The following ELAVL2 variants were observed in gnomAD, a reference collection of about 807,000 sequenced individuals.
ELAVL2 encodes the protein ELAV like RNA binding protein 2.
Under a neutral mutation model 34.6 loss-of-function variants are expected in ELAVL2, and 4 were observed. The ratio of observed to expected loss-of-function variants is 0.12; its 90% CI spans 0.06 to 0.26. The LOEUF (loss-of-function observed/expected upper bound fraction) is 0.26, where lower values mean the gene tolerates loss of function less well. ELAVL2 is among the 10% of genes least tolerant of loss of function. The pLI is 1.00. For missense variants in ELAVL2, 432 were observed against 442.8 expected (o/e 0.98, Z 0.22); for synonymous variants, 193 against 154.8 (o/e 1.25, Z -1.83).
chr9:23,701,625 G>T lies in ELAVL2; in HGVS notation c.488-21C>A, dbSNP rs751506084. 7 of 1,609,062 alleles carry T rather than the reference G, an allele frequency of 4.4e-6. No homozygotes were observed. The South Asian group carries it at 5.5e-5, about 13-fold the overall frequency. The stretch of plus-strand genomic sequence containing the variant: ...TATGCCTATGGTAGATTTGAGTAAA[G>T]ATTTGGAAAAGAGGGAACAGAAGGA... On this transcript the variant is annotated intron_variant, in intron 4 of 6. Transcript: ENST00000397312.
At chr9:23,799,586 A>C (rs1440385208) in intron 1 of ELAVL2, among the ~76,000 whole-genome samples, 1 of 152,154 alleles carries the variant, frequency 6.6e-6, no homozygotes, top group Non-Finnish European at 1.5e-5. Context: ...CCAACTTAAT[A>C]AGATTAATTC....
intron 1 of ELAVL2, among the ~76,000 whole-genome samples, chr9:23,792,084 A>T (rs1429792340): frequency 1.3e-5 from 2 of 152,320 alleles, no homozygotes; most frequent in East Asian, 3.9e-4. Flanking sequence ...AAGTAACTAC[A>T]CCATCATTCT....
At chr9:23,724,822 C>A (rs980463325) in intron 3 of ELAVL2, among the ~76,000 whole-genome samples, 1 of 152,020 alleles carries the variant, frequency 6.6e-6, no homozygotes, top group East Asian at 1.9e-4. Flanking sequence ...GGCAGAGGAA[C>A]AATTTACTCA....
At chr9:23,811,909 C>T (rs2063056738) in intron 1 of ELAVL2, among the ~76,000 whole-genome samples, 2 of 151,870 alleles carry the variant, frequency 1.3e-5, no homozygotes, top group African/African-American at 4.8e-5. Flanking sequence ...TCAAAGGTAA[C>T]AAAAACAATA....
chr9:23,721,018 A>C (rs2043562700), intron 3 of ELAVL2, among the ~76,000 whole-genome samples: 2 of 152,166 alleles, frequency 1.3e-5, no homozygotes, highest in African/African-American at 4.8e-5. Flanking sequence ...ATAATCCTCA[A>C]AACTCTGGGC....
intron 2 of ELAVL2, among the ~76,000 whole-genome samples, chr9:23,758,778 T>C (rs760633926): frequency 8.5e-5 from 13 of 152,122 alleles, no homozygotes; most frequent in Non-Finnish European, 1.6e-4. Flanking sequence ...AGGTTTTCTT[T>C]ACTGCTGGAT....
Position 23,693,444 on chromosome 9 carries a change from TTACCTCTTTAC to T in ELAVL2, c.745_752+3del, listed in dbSNP as rs773133788. The T allele has an allele frequency of 6.2e-7, 1 of 1,614,036 alleles. No individual in the cohort carries two copies. Among genetic ancestry groups the T allele is most frequent in the Non-Finnish European group, 8.5e-7 (1 of 1,179,938 alleles). ...TTATGAGTATCATGAACCTCTATCA[TTACCTCTTTAC>T]TCCATAAGCCATATTGAGCAGATTG... On this transcript the variant is annotated splice_donor_variant and splice_donor_region_variant and coding_sequence_variant and intron_variant, in exon 6 of 7. Transcript: ENST00000397312. LOFTEE classifies it high-confidence loss of function.
In ELAVL2 at chr9:23,816,317, T is replaced by TAAAAA. The variant is rs10717104; in HGVS notation, c.-16+9484_-16+9488dup. The stretch of plus-strand genomic sequence containing the variant: ...GAAAGTGTGTACTAAAAGCTTTCAG[T>TAAAAA]AAAAAAAAAAAAAAAAAAAAAAAAA... On this transcript the variant is annotated intron_variant, in intron 1 of 6. Coordinates refer to ENST00000397312, the MANE Select transcript of ELAVL2 (RefSeq NM_004432.5). Among the ~76,000 whole-genome samples, 29 of 44,692 alleles carry TAAAAA rather than the reference T, an allele frequency of 6.5e-4. 1 individual carries two copies. The highest frequency in any genetic ancestry group is 1.8e-3 in the African/African-American group (19 of 10,822). The allele number at this position is 44,692 out of a possible 152,430, so 29.3% of individuals were successfully genotyped here.
At chr9:23,848,279 G>C in the ELAVL2 span, among the ~76,000 whole-genome samples, 1 of 152,068 alleles carries the variant, frequency 6.6e-6, no homozygotes, top group Non-Finnish European at 1.5e-5. Flanking sequence ...GGATATTAGT[G>C]GGTAGAAGAA....
rs574972907 is a variant in ELAVL2 at position 23,797,981 on chromosome 9, T to A, written c.-16+27825A>T. Among the ~76,000 whole-genome samples the A allele has an allele frequency of 2.0e-5, 3 of 152,082 alleles. No individual in the cohort carries two copies. In the East Asian group the frequency reaches 5.8e-4, roughly 29 times the overall value. On this transcript the variant is annotated intron_variant, in intron 1 of 6. Coordinates refer to ENST00000397312, the MANE Select transcript of ELAVL2 (RefSeq NM_004432.5). ...AAAAAAAGTATGGGATAAGAATTCATGGGTCATGATCAAGAGAAAAAGTTA... is the reference window on the plus strand; with the variant it reads ...AAAAAAAGTATGGGATAAGAATTCAAGGGTCATGATCAAGAGAAAAAGTTA...
chr9:23,736,114 A>AC (rs1299301527), intron 2 of ELAVL2, among the ~76,000 whole-genome samples: 4 of 152,192 alleles, frequency 2.6e-5, no homozygotes, highest in African/African-American at 9.6e-5. Context: ...AGTCTTTTCT[A>AC]TTTTAAATTA....
At chr9:23,692,957 T>C in intron 6 of ELAVL2, 73 bp from the exon 7 acceptor site, 1 of 1,382,842 alleles carries the variant, frequency 7.2e-7, no homozygotes, top group Non-Finnish European at 9.8e-7. Context: ...GCAATGAACG[T>C]ATACCTTTTC....
chr9:23,845,389 T>C, the ELAVL2 span, among the ~76,000 whole-genome samples: 64 of 151,852 alleles, frequency 4.2e-4, no homozygotes, highest in African/African-American at 1.5e-3. Flanking sequence ...CAGAAAATTA[T>C]ATAAACATTT....
At chr9:23,710,320 T>C (rs537679871) in intron 3 of ELAVL2, among the ~76,000 whole-genome samples, 95 of 152,318 alleles carry the variant, frequency 6.2e-4, no homozygotes, top group African/African-American at 2.1e-3. Context: ...ATCTTATGAA[T>C]TAGTACTTTA....
intron 1 of ELAVL2, among the ~76,000 whole-genome samples, chr9:23,803,676 A>G (rs2061847011): frequency 6.6e-6 from 1 of 152,136 alleles, no homozygotes; most frequent in Non-Finnish European, 1.5e-5. Context: ...ATGTTCCAAT[A>G]ATCAAAACTT....
chr9:23,838,079 ATTAT>A, the ELAVL2 span, among the ~76,000 whole-genome samples: 72 of 152,316 alleles, frequency 4.7e-4, no homozygotes, highest in African/African-American at 1.6e-3. Flanking sequence ...AATAGTGTTT[ATTAT>A]TTAATGAAAT....
At chr9:23,819,359 G>T (rs766908602) in intron 1 of ELAVL2, among the ~76,000 whole-genome samples, 1 of 152,122 alleles carries the variant, frequency 6.6e-6, no homozygotes, top group Non-Finnish European at 1.5e-5. Flanking sequence ...CTAAATCAGA[G>T]AGGATCTATA....
intron 1 of ELAVL2, among the ~76,000 whole-genome samples, chr9:23,814,626 G>A (rs2063464032): frequency 6.6e-6 from 1 of 152,112 alleles, no homozygotes; most frequent in South Asian, 2.1e-4. Flanking sequence ...CACCTGGGGA[G>A]ATCAAAAGTG....
chr9:23,701,313 TG>T (rs779623090), intron 5 of ELAVL2, 65 bp downstream of exon 5: 77 of 1,542,106 alleles, frequency 5.0e-5, no homozygotes, highest in Non-Finnish European at 6.6e-5. Flanking sequence ...ATAAAAGTAC[TG>T]GACAGTAAAC....
Sources: gnomAD v4.1 joint callset for allele counts (sites outside exome capture counted in the v4.1 genomes callset) on GRCh38, gnomAD v4.1.1 for gene constraint, MANE v1.5 for transcripts, NCBI Gene and HGNC (gene_info 2026-07-23, HGNC 2026-07-21) for gene names.